UGGT2: variants seen among roughly 807,000 people sequenced by gnomAD.
The protein encoded by UGGT2 is UDP-glucose:glycoprotein glucosyltransferase 2.
Under a neutral mutation model 192.1 loss-of-function variants are expected in UGGT2, and 180 were observed. The observed-to-expected ratio is 0.94, with a 90% CI of 0.83 to 1.06. The LOEUF (loss-of-function observed/expected upper bound fraction) is 1.06. Ranked by LOEUF, UGGT2 falls within the 50% of genes least tolerant of loss-of-function variation. UGGT2 has a pLI of 0.00. For missense variants in UGGT2, 1,849 were observed against 1,795.7 expected (o/e 1.03, Z -0.54); for synonymous variants, 580 against 591.0 (o/e 0.98, Z 0.27).
At position 95,836,382 on chromosome 13, in the gene UGGT2, GAA is replaced by G. The variant is rs1887291119; in HGVS notation, c.4401+702_4401+703del. Among the ~76,000 whole-genome samples, 8 of 152,242 alleles carry G rather than the reference GAA, an allele frequency of 5.3e-5. 1 individual carries two copies. Among genetic ancestry groups the G allele is most frequent in the African/African-American group, 1.9e-4 (8 of 41,560 alleles). On this transcript the variant is annotated intron_variant, in intron 37 of 38. Coordinates refer to ENST00000376747, the MANE Select transcript of UGGT2 (RefSeq NM_020121.4). ...CCTTTTTTTCAAAAGTCCTTTTGCA[GAA>G]AAGAGTTAATACAGAAAGCCTGAAA...
At chr13:95,897,162 T>C (rs552427707) in intron 22 of UGGT2, among the ~76,000 whole-genome samples, 21 of 152,204 alleles carry the variant, frequency 1.4e-4, no homozygotes, top group African/African-American at 5.1e-4. Context: ...GTGCTTTAAA[T>C]ATAGGAGCAT....
intron 25 of UGGT2, 41 bp from the exon 26 acceptor site, chr13:95,888,012 T>C: frequency 1.6e-6 from 2 of 1,282,022 alleles, no homozygotes; most frequent in East Asian, 2.4e-5. Flanking sequence ...TAAATAATAT[T>C]AATAGCTAAT....
At chr13:95,995,580 G>A (rs375004794) in intron 7 of UGGT2, among the ~76,000 whole-genome samples, 1 of 151,464 alleles carries the variant, frequency 6.6e-6, no homozygotes, top group Admixed American at 6.6e-5. Context: ...TTGTGCTAAG[G>A]AAAATCTGCA....
intron 17 of UGGT2, among the ~76,000 whole-genome samples, chr13:95,928,561 C>G (rs751281961): frequency 1.4e-5 from 2 of 147,878 alleles, no homozygotes; most frequent in Non-Finnish European, 3.0e-5. Context: ...CAGACGGGGT[C>G]GCGGCGGGGC....
intron 38 of UGGT2, among the ~76,000 whole-genome samples, chr13:95,828,106 A>G (rs1248579916): frequency 1.3e-5 from 2 of 152,112 alleles, no homozygotes; most frequent in East Asian, 3.9e-4. Context: ...TGGCAGCCCT[A>G]TGATTAAACC....
intron 10 of UGGT2, among the ~76,000 whole-genome samples, chr13:95,973,075 C>T (rs564093908): frequency 6.6e-6 from 1 of 152,114 alleles, no homozygotes; most frequent in Admixed American, 6.5e-5. Context: ...GAGGCTGAGG[C>T]AGGAGAATCA....
chr13:95,900,919 A>G lies in UGGT2; in HGVS notation c.2522T>C (p.Phe841Ser). Residue 841 changes from phenylalanine to serine, a missense_variant, in exon 22 of 39, where the codon TTT becomes TCT. By Grantham distance (155) the Phe-to-Ser change is radical. Coordinates refer to ENST00000376747, the MANE Select transcript of UGGT2 (RefSeq NM_020121.4). ...FLIEGMDKNA[F>S]EKKYNTVGVN... ...TCCAACAGTATTATATTTTTTCTCA[A>G]AAGCATTCTTATCCATCCCCTAAAG... 6.3e-7 allele frequency: 1 copy of G among 1,597,950 alleles called. No homozygotes were observed. Among genetic ancestry groups the G allele is most frequent in the Non-Finnish European group, 8.5e-7 (1 of 1,174,322 alleles).
At chr13:96,023,185 A>G (rs1041377431) in intron 3 of UGGT2, 33 bp from the exon 4 acceptor site, 5 of 1,509,956 alleles carry the variant, frequency 3.3e-6, no homozygotes, top group Non-Finnish European at 4.5e-6. Flanking sequence ...TAGCTACAGC[A>G]GTTGATAATT....
chr13:95,979,535 CT>C (rs1484890713), intron 10 of UGGT2, among the ~76,000 whole-genome samples: 3 of 86,846 alleles, frequency 3.5e-5, no homozygotes, highest in African/African-American at 8.3e-5. Flanking sequence ...CTCATTTCCC[CT>C]GGTCTCTTAC....
At chr13:95,986,253 A>T in intron 9 of UGGT2, 80 bp downstream of exon 9, 1 of 997,508 alleles carries the variant, frequency 1.0e-6, no homozygotes, top group Non-Finnish European at 1.5e-6. Context: ...CCTTCATGTT[A>T]AATGAAATCA....
intron 29 of UGGT2, among the ~76,000 whole-genome samples, chr13:95,873,663 T>G (rs35423192): frequency 0.37 from 55,964 of 151,986 alleles, 10,675 homozygotes; most frequent in Middle Eastern, 0.42. Context: ...GCCCTTCCTG[T>G]CCAGGATCTG....
At chr13:95,957,764 T>C (rs1352582301) in intron 12 of UGGT2, among the ~76,000 whole-genome samples, 3 of 152,230 alleles carry the variant, frequency 2.0e-5, no homozygotes, top group Non-Finnish European at 4.4e-5. Flanking sequence ...TAGAAGAGCC[T>C]TGACAATTAC....
intron 10 of UGGT2, among the ~76,000 whole-genome samples, chr13:95,981,645 T>A (rs1353074752): frequency 6.6e-6 from 1 of 152,190 alleles, no homozygotes; most frequent in African/African-American, 2.4e-5. Context: ...TATTACTTCT[T>A]TTTTCGGTGA....
intron 1 of UGGT2, among the ~76,000 whole-genome samples, chr13:96,045,505 G>T (rs2053284082): frequency 6.6e-6 from 1 of 152,106 alleles, no homozygotes; most frequent in Non-Finnish European, 1.5e-5. Flanking sequence ...ACAAGAGAAA[G>T]AAATAAAGGG....
At chr13:95,967,429 G>A (rs1033182617) in intron 12 of UGGT2, among the ~76,000 whole-genome samples, 14 of 150,710 alleles carry the variant, frequency 9.3e-5, no homozygotes, top group Non-Finnish European at 1.9e-4. Context: ...TGGGATTACA[G>A]GCGTGAGCCA....
chr13:95,935,003 T>C (rs2049413778), intron 17 of UGGT2, among the ~76,000 whole-genome samples: 1 of 152,176 alleles, frequency 6.6e-6, no homozygotes, highest in South Asian at 2.1e-4. Context: ...ACTTTATAAT[T>C]ATCTATTGTT....
chr13:95,949,422 A>T lies in UGGT2; in HGVS notation c.1368T>A (p.Tyr456Ter). 6.4e-7 allele frequency: 1 copy of T among 1,558,414 alleles called. No homozygotes were observed. The highest frequency in any genetic ancestry group is 1.2e-5 in the South Asian group (1 of 80,250). Residue 456 changes from tyrosine (Y) to a stop codon, truncating the protein, a stop_gained, in exon 13 of 39, where the codon TAT becomes TAA. Transcript: ENST00000376747. LOFTEE classifies it high-confidence loss of function. ...WINDLENDDL[Y>*]ITWPTSCQKL... Reference sequence around the variant, plus strand: ...TCTGGCAACTTGTAGGCCATGTAATATACAAATCATCATTTTCTAAGTCAT... The same window carrying T: ...TCTGGCAACTTGTAGGCCATGTAATTTACAAATCATCATTTTCTAAGTCAT...
chr13:95,855,669 A>G lies in UGGT2; in HGVS notation c.4008+489T>C, dbSNP rs559690494. On this transcript the variant is annotated intron_variant, in intron 34 of 38. Coordinates refer to ENST00000376747, the MANE Select transcript of UGGT2 (RefSeq NM_020121.4). ...CTCCAAAAGTGCTGAGACTACAGGC[A>G]TAAGCTGGCCAAATTTAAAATGCTC... Among the ~76,000 whole-genome samples, 5 of 152,190 alleles carry G rather than the reference A, an allele frequency of 3.3e-5. No individual in the cohort carries two copies. In the South Asian group the frequency reaches 1.0e-3, roughly 32 times the overall value.
chr13:95,879,384 T>C (rs1332692014), intron 27 of UGGT2, among the ~76,000 whole-genome samples: 3 of 152,214 alleles, frequency 2.0e-5, no homozygotes, highest in Admixed American at 1.3e-4. Context: ...TAAGTTTTCA[T>C]AGAGGTGATT....
Sources: allele counts gnomAD v4.1 joint callset (sites outside exome capture counted in the v4.1 genomes callset), GRCh38; gene constraint gnomAD v4.1.1; transcripts MANE v1.5; gene names NCBI Gene and HGNC (gene_info 2026-07-23, HGNC 2026-07-21).